MSI2: variants seen among roughly 807,000 people sequenced by gnomAD.
The protein encoded by MSI2 is musashi RNA binding protein 2, also known as RNA-binding protein Musashi homolog 2.
MSI2 carries 17 observed loss-of-function variants against 45.6 expected under a neutral mutation model. The observed-to-expected ratio is 0.37, with a 90% CI of 0.26 to 0.56. The LOEUF is 0.56. Among genes scored for constraint, MSI2 ranks in the 20% least tolerant of loss-of-function variants. The pLI, the probability that MSI2 is intolerant of heterozygous loss-of-function variation, is 0.77. For synonymous variants in MSI2, 156 were observed against 158.2 expected (o/e 0.99, Z 0.11); for missense variants, 293 against 444.2 (o/e 0.66, Z 3.06).
chr17:57,262,600 A>G (rs1907422936), intron 5 of MSI2, among the ~76,000 whole-genome samples: 1 of 132,082 alleles, frequency 7.6e-6, no homozygotes, highest in South Asian at 2.6e-4. Context: ...TTGACTAAAC[A>G]GCTGATCCTT....
chr17:57,335,894 T>A (rs948916987), intron 5 of MSI2, among the ~76,000 whole-genome samples: 35 of 151,990 alleles, frequency 2.3e-4, no homozygotes, highest in Non-Finnish European at 4.6e-4. Flanking sequence ...TTGGGGCTAG[T>A]GGAAGGAGCT....
At chr17:57,587,186 T>G (rs773314665) in intron 7 of MSI2, among the ~76,000 whole-genome samples, 5 of 152,154 alleles carry the variant, frequency 3.3e-5, no homozygotes, top group Non-Finnish European at 7.4e-5. Flanking sequence ...CAGCCCCACC[T>G]TGATATATTG....
intron 8 of MSI2, among the ~76,000 whole-genome samples, chr17:57,608,026 G>A (rs966872890): frequency 5.9e-5 from 9 of 152,134 alleles, no homozygotes; most frequent in Admixed American, 2.0e-4. Flanking sequence ...AGATTTGGGC[G>A]GAGACAAATA....
At chr17:57,591,558 T>C (rs1904828420) in intron 7 of MSI2, among the ~76,000 whole-genome samples, 2 of 151,492 alleles carry the variant, frequency 1.3e-5, no homozygotes, top group Non-Finnish European at 2.9e-5. Flanking sequence ...ACCCCATCTC[T>C]ACAAAAAAAT....
intron 6 of MSI2, among the ~76,000 whole-genome samples, chr17:57,494,970 A>G (rs1420492159): frequency 6.6e-6 from 1 of 152,228 alleles, no homozygotes; most frequent in Non-Finnish European, 1.5e-5. Flanking sequence ...GGTAGGAGCC[A>G]CTTAAAAAAA....
chr17:57,437,661 A>G (rs1001458086), intron 6 of MSI2, among the ~76,000 whole-genome samples: 4 of 152,090 alleles, frequency 2.6e-5, no homozygotes, highest in African/African-American at 4.8e-5. Context: ...GCTTGTTAAC[A>G]AGACAAAAAT....
chr17:57,530,166 G>C (rs1183229563), intron 7 of MSI2, among the ~76,000 whole-genome samples: 2 of 152,190 alleles, frequency 1.3e-5, no homozygotes, highest in Non-Finnish European at 2.9e-5. Context: ...GGTTCGTTGG[G>C]TGTGTAGTGA....
At position 57,679,547 on chromosome 17, in the gene MSI2, A is replaced by G; in HGVS notation, c.*32-2A>G. 9.5e-7 allele frequency: 1 copy of G among 1,056,156 alleles called. No individual in the cohort carries two copies. The highest frequency in any genetic ancestry group is 1.1e-6 in the Non-Finnish European group (1 of 873,278). 65.4% of individuals were successfully genotyped at this position (1,056,156 alleles called of 1,614,324 possible). ...GACATCCTGGCCTTCCCTGCCCTGC[A>G]GAGCATACCTGGATGTCCAGGCAAG... On this transcript the variant is annotated splice_acceptor_variant, in intron 13 of 13. Coordinates refer to ENST00000284073, the MANE Select transcript of MSI2 (RefSeq NM_138962.4). LOFTEE classifies it low-confidence loss of function (3UTR_SPLICE).
intron 7 of MSI2, among the ~76,000 whole-genome samples, chr17:57,544,586 A>C (rs1004383412): frequency 3.3e-5 from 5 of 152,338 alleles, no homozygotes; most frequent in Admixed American, 6.5e-5. Context: ...CCATGAAGAG[A>C]TTGATTTGAT....
chr17:57,488,956 C>T (rs1567854137), intron 6 of MSI2, among the ~76,000 whole-genome samples: 8 of 152,116 alleles, frequency 5.3e-5, no homozygotes, highest in Admixed American at 3.9e-4. Context: ...GAGTGTCTCT[C>T]GGTTGGAGAG....
chr17:57,528,349 C>T lies in MSI2; in HGVS notation c.406-1327C>T, dbSNP rs188610704. ...TTAAGTGTGAGTTCCTTGAGCTCTA[C>T]GTGGGAGTTGAGTGTGGACCCTGAA... is the stretch of plus-strand genomic sequence containing the variant. On this transcript the variant is annotated intron_variant, in intron 6 of 13. Coordinates refer to ENST00000284073, the MANE Select transcript of MSI2 (RefSeq NM_138962.4). Among the ~76,000 whole-genome samples the T allele has an allele frequency of 3.2e-4, 48 of 152,152 alleles. 1 individual carries two copies. The highest frequency in any genetic ancestry group is 1.1e-3 in the African/African-American group (44 of 41,508).
intron 7 of MSI2, among the ~76,000 whole-genome samples, chr17:57,530,216 G>A (rs1598371466): frequency 6.6e-6 from 1 of 152,206 alleles, no homozygotes; most frequent in Non-Finnish European, 1.5e-5. Flanking sequence ...TCTGGAATGT[G>A]TAGAGGGCAT....
At chr17:57,624,623 A>G (rs527258896) in intron 9 of MSI2, among the ~76,000 whole-genome samples, 1 of 152,280 alleles carries the variant, frequency 6.6e-6, no homozygotes, top group Non-Finnish European at 1.5e-5. Flanking sequence ...GCTTCTGTCA[A>G]TGAGTCACCA....
chr17:57,394,033 A>G (rs765501416), intron 5 of MSI2, among the ~76,000 whole-genome samples: 1 of 152,188 alleles, frequency 6.6e-6, no homozygotes, highest in Non-Finnish European at 1.5e-5. Flanking sequence ...CGCTGTGTTT[A>G]ATCATTTGTG....
intron 5 of MSI2, among the ~76,000 whole-genome samples, chr17:57,364,592 C>T (rs1181062126): frequency 5.9e-5 from 9 of 152,150 alleles, no homozygotes; most frequent in Admixed American, 4.6e-4. Context: ...TGTTTAAGCC[C>T]GTTTTCCACC....
chr17:57,515,550 A>G lies in MSI2; in HGVS notation c.406-14126A>G, dbSNP rs959682985. Among the ~76,000 whole-genome samples the G allele has an allele frequency of 4.6e-5, 7 of 152,116 alleles. No individual in the cohort carries two copies. In the East Asian group the frequency reaches 5.8e-4, roughly 13 times the overall value. ...ATCCTCCAAAATCTTCCTGAAACTC[A>G]ACAGTACGCACTTATTGGACGCTTA... On this transcript the variant is annotated intron_variant, in intron 6 of 13. Transcript: ENST00000284073.
chr17:57,433,856 CA>C (rs2084644478), intron 6 of MSI2, among the ~76,000 whole-genome samples: 1 of 152,156 alleles, frequency 6.6e-6, no homozygotes, highest in African/African-American at 2.4e-5. Context: ...TGTTCCTAAC[CA>C]GTGTTTTTTG....
chr17:57,330,910 CT>C lies in MSI2; in HGVS notation c.312+68727del, dbSNP rs375960048. ...TGGCCTTGCCCAAAGAGGTTTTATT[CT>C]TTTTTTTTGTGTGTGTGACGGAGTC... On this transcript the variant is annotated intron_variant, in intron 5 of 13. Coordinates refer to ENST00000284073, the MANE Select transcript of MSI2 (RefSeq NM_138962.4). Among the ~76,000 whole-genome samples, 27 of 144,978 alleles carry C rather than the reference CT, an allele frequency of 1.9e-4. No homozygotes were observed. The East Asian group carries it at 5.2e-3, about 28-fold the overall frequency.
downstream of MSI2, among the ~76,000 whole-genome samples, chr17:57,688,720 G>A (rs1382834015): frequency 6.6e-6 from 1 of 152,070 alleles, no homozygotes; most frequent in Non-Finnish European, 1.5e-5. Flanking sequence ...CATGTATGAT[G>A]ACATGGATAC....
Sources: gnomAD v4.1 joint callset for allele counts (sites outside exome capture counted in the v4.1 genomes callset) on GRCh38, gnomAD v4.1.1 for gene constraint, MANE v1.5 for transcripts, NCBI Gene and HGNC (gene_info 2026-07-23, HGNC 2026-07-21) for gene names.